Variants in WDR64 observed in about 807,000 individuals in gnomAD.
WDR64 encodes the protein WD repeat domain 64, also known as WD repeat-containing protein 64.
A neutral mutation model predicts 139.3 loss-of-function variants in WDR64; 112 were observed. The ratio of observed to expected loss-of-function variants is 0.80; its 90% confidence interval spans 0.69 to 0.94. The LOEUF (loss-of-function observed/expected upper bound fraction) is 0.94, where lower values mean the gene tolerates loss of function less well. Ranked by LOEUF, WDR64 falls within the 40% of genes least tolerant of loss-of-function variation. WDR64 has a pLI of 0.00. For missense variants in WDR64, 1,206 were observed against 1,293.1 expected, an observed-to-expected ratio of 0.93 and a Z score of 1.03; for synonymous variants, 444 against 437.7, an observed-to-expected ratio of 1.01 and a Z score of -0.18.
chr1:241,700,668 C>T (rs892940488), intron 8 of WDR64, among the ~76,000 whole-genome samples: 16 of 152,110 alleles, frequency 1.1e-4, no homozygotes, highest in Non-Finnish European at 1.3e-4. Context: ...TATTTGTTGG[C>T]CATGTGGTCT....
At chr1:241,765,245 T>A (rs552948867) in intron 15 of WDR64, among the ~76,000 whole-genome samples, 2 of 151,696 alleles carry the variant, frequency 1.3e-5, no homozygotes, top group East Asian at 3.9e-4. Flanking sequence ...AAGTTACATA[T>A]ATTAACATTG....
chr1:241,748,191 G>T (rs1459905573), intron 13 of WDR64, among the ~76,000 whole-genome samples: 1 of 152,210 alleles, frequency 6.6e-6, no homozygotes, highest in Middle Eastern at 3.2e-3. Flanking sequence ...AAGACCTATT[G>T]TAAGGGAGAA....
chr1:241,653,199 T>C (rs1665429677), intron 1 of WDR64, among the ~76,000 whole-genome samples: 1 of 152,150 alleles, frequency 6.6e-6, no homozygotes, highest in Admixed American at 6.5e-5. Flanking sequence ...GGGAGTGGTG[T>C]AGTGTACAGC....
intron 14 of WDR64, among the ~76,000 whole-genome samples, chr1:241,756,696 G>A (rs1670204232): frequency 6.6e-6 from 1 of 152,128 alleles, no homozygotes; most frequent in Non-Finnish European, 1.5e-5. Context: ...AAGTGGTTTG[G>A]TGATAGCTAG....
chr1:241,671,268 A>T, intron 3 of WDR64, 92 bp downstream of exon 3: 1 of 904,060 alleles, frequency 1.1e-6, no homozygotes, highest in Non-Finnish European at 1.7e-6. Context: ...ATCACTTTTC[A>T]TTTTATGTAT....
intron 1 of WDR64, among the ~76,000 whole-genome samples, chr1:241,658,087 T>A (rs1330420954): frequency 6.6e-6 from 1 of 152,242 alleles, no homozygotes; most frequent in Admixed American, 6.5e-5. Context: ...ATCTTGCTTA[T>A]CTAATTTTCT....
intron 10 of WDR64, among the ~76,000 whole-genome samples, chr1:241,724,454 T>G (rs2148202966): frequency 6.6e-6 from 1 of 152,322 alleles, no homozygotes; most frequent in Non-Finnish European, 1.5e-5. Context: ...AGGAATTAGT[T>G]TATGTCTATG....
chr1:241,801,528 C>T lies in WDR64; in HGVS notation c.*313C>T, dbSNP rs187156198. ...ATATGGTTATCAATGTTTAGCTTTC[C>T]ACTTCCTCCCATTGGTCACCTTACT... On this transcript the variant is annotated 3_prime_UTR_variant, in exon 28 of 28. Transcript: ENST00000437684. 3.4e-5 allele frequency: 14 copies of T among 417,016 alleles called. No homozygotes were observed. The highest frequency in any genetic ancestry group is 6.1e-4 in the Middle Eastern group (1 of 1,632). The allele number at this position is 417,016 out of a possible 1,614,324, so 25.8% of individuals were successfully genotyped here. A position where few individuals can be genotyped will look rare whatever the true frequency, so the allele number is the denominator to read the frequency against.
chr1:241,738,798 T>C (rs1195007232), intron 11 of WDR64, among the ~76,000 whole-genome samples: 1 of 152,192 alleles, frequency 6.6e-6, no homozygotes. Context: ...AAAGGATAGT[T>C]TTAATAATCT....
At chr1:241,784,708 C>T (rs1658968118) in intron 23 of WDR64, among the ~76,000 whole-genome samples, 1 of 151,966 alleles carries the variant, frequency 6.6e-6, no homozygotes. Flanking sequence ...GTAATCCCAG[C>T]ACTTTGGGAG....
At chr1:241,748,938 TA>T (rs200155046) in intron 13 of WDR64, among the ~76,000 whole-genome samples, 21,581 of 133,528 alleles carry the variant, frequency 0.16, 1,694 homozygotes, top group African/African-American at 0.19. Context: ...ACTCTTGTCT[TA>T]AAAAAAAAAA....
chr1:241,702,164 T>G (rs1001828433), intron 8 of WDR64, among the ~76,000 whole-genome samples: 1 of 152,200 alleles, frequency 6.6e-6, no homozygotes, highest in Non-Finnish European at 1.5e-5. Flanking sequence ...AGCTTGACAG[T>G]TTCCAAGAGA....
chr1:241,793,185 ATGT>A (rs1237663871), intron 25 of WDR64, among the ~76,000 whole-genome samples: 10 of 152,366 alleles, frequency 6.6e-5, no homozygotes, highest in African/African-American at 2.4e-4. Context: ...ACAAAACAAA[ATGT>A]TGTTTGAGCA....
At chr1:241,736,008 G>A (rs1164543047) in intron 10 of WDR64, among the ~76,000 whole-genome samples, 1 of 152,026 alleles carries the variant, frequency 6.6e-6, no homozygotes, top group Non-Finnish European at 1.5e-5. Flanking sequence ...TGGTCAAAAA[G>A]TGATGTGCCC....
At chr1:241,675,205 C>T (rs1237429378) in intron 4 of WDR64, among the ~76,000 whole-genome samples, 5 of 54,538 alleles carry the variant, frequency 9.2e-5, no homozygotes, top group Non-Finnish European at 1.4e-4. Context: ...CAACTTCCCT[C>T]CCTTCCTCCC....
chr1:241,674,907 TTATTCCTTCCTTCCTTCTTTCCTTC>T (rs1666420333), intron 4 of WDR64, among the ~76,000 whole-genome samples, 160 bp downstream of exon 4: 1 of 23,082 alleles, frequency 4.3e-5, no homozygotes, highest in Admixed American at 3.8e-4. Context: ...TTCCTTCCTC[TTATTCCTTCCTTCCTTCTTTCCTTC>T]CTCCCTCCCT....
intron 14 of WDR64, among the ~76,000 whole-genome samples, chr1:241,755,837 GT>G (rs1339957450): frequency 6.6e-6 from 1 of 152,134 alleles, no homozygotes; most frequent in Non-Finnish European, 1.5e-5. Context: ...CCCATTGCTT[GT>G]TTTTGTCAGG....
chr1:241,784,462 A>G (rs1466386924), intron 23 of WDR64, among the ~76,000 whole-genome samples: 1 of 152,208 alleles, frequency 6.6e-6, no homozygotes, highest in Non-Finnish European at 1.5e-5. Flanking sequence ...AAGGGGAGGT[A>G]AGTGATAAAT....
At chr1:241,744,281 G>A in intron 12 of WDR64, 112 bp from the exon 13 acceptor site, 1 of 1,311,468 alleles carries the variant, frequency 7.6e-7, no homozygotes, top group Non-Finnish European at 1.1e-6. Flanking sequence ...TAGGAAATGT[G>A]TTAGATGTAC....
Sources: allele counts gnomAD v4.1 joint callset (sites outside exome capture counted in the v4.1 genomes callset), GRCh38; gene constraint gnomAD v4.1.1; transcripts MANE v1.5; gene names NCBI Gene and HGNC (gene_info 2026-07-23, HGNC 2026-07-21).